Variants in SDK1 observed in about 807,000 individuals in gnomAD.
SDK1 encodes protein sidekick-1.
Under a neutral mutation model 245.5 loss-of-function variants are expected in SDK1, and 157 were observed. That is an observed-to-expected ratio of 0.64 (90% CI 0.56 to 0.73). SDK1 has a LOEUF of 0.73. SDK1 is among the 30% of genes least tolerant of loss of function. SDK1 has a pLI of 0.00. For missense variants in SDK1, 3,583 were observed against 3,002.3 expected (o/e 1.19, Z -4.52); for synonymous variants, 1,647 against 1,278.5 (o/e 1.29, Z -6.15).
At chr7:3,577,270 G>C (rs1306201516) in intron 1 of SDK1, among the ~76,000 whole-genome samples, 2 of 152,028 alleles carry the variant, frequency 1.3e-5, no homozygotes, top group Non-Finnish European at 2.9e-5. Context: ...AATGAGAATA[G>C]CTAATAGCAG....
At chr7:3,836,843 G>GA (rs1324797493) in intron 5 of SDK1, among the ~76,000 whole-genome samples, 7 of 152,116 alleles carry the variant, frequency 4.6e-5, no homozygotes, top group Admixed American at 4.6e-4. Context: ...TCTCAGTTCT[G>GA]AAAACTGGAA....
chr7:3,639,269 C>T (rs1365365240), intron 3 of SDK1, among the ~76,000 whole-genome samples, 159 bp downstream of exon 3: 9 of 152,084 alleles, frequency 5.9e-5, no homozygotes, highest in Admixed American at 4.6e-4. Context: ...AGTAAGCAGC[C>T]AGCGTGGCTG....
chr7:3,602,631 G>A (rs1412531414), intron 1 of SDK1, among the ~76,000 whole-genome samples: 1 of 151,692 alleles, frequency 6.6e-6, no homozygotes, highest in African/African-American at 2.4e-5. Context: ...TAGGTTCCCT[G>A]TTCACTCTGA....
intron 4 of SDK1, among the ~76,000 whole-genome samples, chr7:3,712,451 A>G (rs968612044): frequency 2.6e-5 from 4 of 152,224 alleles, no homozygotes; most frequent in African/African-American, 9.6e-5. Flanking sequence ...TTCATTATGT[A>G]TTACAGTGTA....
intron 28 of SDK1, among the ~76,000 whole-genome samples, chr7:4,138,638 T>C (rs1404542533): frequency 3.3e-5 from 5 of 151,522 alleles, no homozygotes; most frequent in African/African-American, 4.9e-5. Flanking sequence ...TCCCACCTAC[T>C]TGGGAGGCTG....
chr7:3,937,584 G>T (rs1222369091), intron 5 of SDK1, among the ~76,000 whole-genome samples: 1 of 152,196 alleles, frequency 6.6e-6, no homozygotes, highest in Non-Finnish European at 1.5e-5. Flanking sequence ...TCGCTGGACG[G>T]ATCTAAGAAT....
At chr7:3,821,422 G>A (rs1423769725) in intron 4 of SDK1, 28 bp from the exon 5 acceptor site, 4 of 1,601,682 alleles carry the variant, frequency 2.5e-6, no homozygotes, top group East Asian at 2.3e-5. Context: ...GAGTAGCTTT[G>A]ACACTGTCCT....
intron 22 of SDK1, among the ~76,000 whole-genome samples, chr7:4,090,382 A>G (rs1237351736): frequency 2.6e-5 from 4 of 152,170 alleles, no homozygotes; most frequent in Non-Finnish European, 4.4e-5. Flanking sequence ...ACATTTATCC[A>G]TTGGCCTATT....
chr7:3,938,887 A>T (rs989711156), intron 5 of SDK1, among the ~76,000 whole-genome samples: 4 of 152,222 alleles, frequency 2.6e-5, no homozygotes, highest in Non-Finnish European at 4.4e-5. Context: ...TGAAGAAGAT[A>T]CATTCTTTGT....
intron 5 of SDK1, among the ~76,000 whole-genome samples, chr7:3,877,556 T>C (rs1484244215): frequency 6.6e-6 from 1 of 152,120 alleles, no homozygotes; most frequent in Non-Finnish European, 1.5e-5. Flanking sequence ...TAGAGAAAAA[T>C]CTTTAGATGG....
chr7:3,615,748 G>A (rs1201418831), intron 1 of SDK1, among the ~76,000 whole-genome samples: 1 of 151,560 alleles, frequency 6.6e-6, no homozygotes, highest in African/African-American at 2.4e-5. Flanking sequence ...GCTTTAAAGC[G>A]GATCACTGCA....
intron 1 of SDK1, among the ~76,000 whole-genome samples, chr7:3,313,540 A>G (rs1372084105): frequency 6.6e-6 from 1 of 152,224 alleles, no homozygotes. Context: ...GCTAAATGAT[A>G]GGAAGCATTG....
chr7:3,557,633 C>T (rs944387894), intron 1 of SDK1, among the ~76,000 whole-genome samples: 1 of 152,172 alleles, frequency 6.6e-6, no homozygotes, highest in East Asian at 1.9e-4. Context: ...CAAAGAAATC[C>T]TGGTCCCAGC....
At chr7:4,187,189 C>T (rs943271671) in intron 35 of SDK1, among the ~76,000 whole-genome samples, 3 of 152,068 alleles carry the variant, frequency 2.0e-5, no homozygotes, top group African/African-American at 7.2e-5. Context: ...CAGGGGGCAC[C>T]TGAGGGAGTG....
intron 1 of SDK1, among the ~76,000 whole-genome samples, chr7:3,609,037 G>T (rs1781508154): frequency 6.6e-6 from 1 of 152,086 alleles, no homozygotes; most frequent in East Asian, 1.9e-4. Flanking sequence ...TTGAAAAAGG[G>T]TTAAACAGTG....
rs372402241 is a variant in SDK1, at chr7:3,822,518, C to G, written c.847+935C>G. Among the ~76,000 whole-genome samples the G allele has an allele frequency of 1.8e-3, 278 of 152,176 alleles. 6 individuals carry two copies. The South Asian group carries it at 0.029, about 16-fold the overall frequency. ...GGCATGGTAGCTCACACCTGTGATC[C>G]CAGCAATTTGGGAGGCCAAGGCAGG... On this transcript the variant is annotated intron_variant, in intron 5 of 44. Coordinates refer to ENST00000404826, the MANE Select transcript of SDK1 (RefSeq NM_152744.4).
chr7:3,965,129 C>A (rs1328833956), intron 9 of SDK1, among the ~76,000 whole-genome samples: 1 of 152,122 alleles, frequency 6.6e-6, no homozygotes, highest in Non-Finnish European at 1.5e-5. Flanking sequence ...GCTGTAGTAA[C>A]CTAAGAGCAG....
chr7:3,703,048 G>A (rs1403110612), intron 4 of SDK1, among the ~76,000 whole-genome samples: 46 of 136,854 alleles, frequency 3.4e-4, no homozygotes, highest in African/African-American at 2.0e-4. Flanking sequence ...AAGTAAATGC[G>A]AGACTCTGTC....
chr7:3,876,939 T>G (rs986320001), intron 5 of SDK1, among the ~76,000 whole-genome samples: 25 of 152,258 alleles, frequency 1.6e-4, no homozygotes, highest in African/African-American at 5.8e-4. Flanking sequence ...CGAATTCTAC[T>G]TTGTTCTTTT....
Sources: gnomAD v4.1 joint callset for allele counts (sites outside exome capture counted in the v4.1 genomes callset) on GRCh38, gnomAD v4.1.1 for gene constraint, MANE v1.5 for transcripts, NCBI Gene and HGNC (gene_info 2026-07-23, HGNC 2026-07-21) for gene names.